Variants in GC observed in about 807,000 individuals in gnomAD.
The protein encoded by GC is vitamin D-binding protein.
A neutral mutation model predicts 56.7 loss-of-function variants in GC; 43 were observed. The ratio of observed to expected loss-of-function variants is 0.76; its 90% CI spans 0.59 to 0.98. The LOEUF (loss-of-function observed/expected upper bound fraction) is 0.98. Among genes scored for constraint, GC ranks in the 50% least tolerant of loss-of-function variants. The probability of loss-of-function intolerance (pLI) is 0.00; values close to 1 mark genes in which losing one functional copy is unlikely to be tolerated. For missense variants in GC, 529 were observed against 545.9 expected (o/e 0.97, Z 0.31); for synonymous variants, 216 against 202.7 (o/e 1.07, Z -0.56).
rs149604980 is a variant in GC, at chr4:71,752,962, C to T, written c.1263-312G>A. Among the ~76,000 whole-genome samples the T allele has an allele frequency of 3.1e-3, 475 of 152,254 alleles. 1 individual carries two copies. The highest frequency in any genetic ancestry group is 5.0e-3 in the Non-Finnish European group (343 of 68,012). ...ATTTTATCCTAACCTTTCACCTTCT[C>T]TTCAGTTTTAAATTTCAAATTCCTT... On this transcript the variant is annotated intron_variant, in intron 10 of 12. Coordinates refer to ENST00000273951, the MANE Select transcript of GC (RefSeq NM_000583.4).
intron 1 of GC, among the ~76,000 whole-genome samples, chr4:71,799,885 C>A (rs1743208068): frequency 6.6e-6 from 1 of 152,306 alleles, no homozygotes; most frequent in Non-Finnish European, 1.5e-5. Flanking sequence ...ATAGACACAG[C>A]TGTGAGGAGC....
intron 1 of GC, among the ~76,000 whole-genome samples, chr4:71,772,396 C>T (rs1208327762): frequency 6.6e-6 from 1 of 152,110 alleles, no homozygotes; most frequent in Non-Finnish European, 1.5e-5. Flanking sequence ...TGGGGTACCC[C>T]CGATGAACAT....
Position 71,754,995 on chromosome 4 carries a change from T to C in GC, c.1147A>G (p.Thr383Ala), listed in dbSNP as rs767280647. 6.3e-7 allele frequency: 1 copy of C among 1,592,328 alleles called. No individual in the cohort carries two copies. Among genetic ancestry groups the C allele is most frequent in the South Asian group, 1.1e-5 (1 of 87,832 alleles). ...AAATATACCTTAGCATTAAAACAGG[T>C]AGTTGAGTCTTCAACATCACAGCAT... The part of the protein sequence containing the change: ...GECCDVEDST[T>A]CFNAKGPLLK... The change falls in exon 9 of 13, where the codon ACC becomes GCC. Residue 383 changes from threonine (T) to alanine (A), a missense_variant. Thr to Ala is a moderately conservative substitution (Grantham distance 58). Coordinates refer to ENST00000273951, the MANE Select transcript of GC (RefSeq NM_000583.4).
chr4:71,788,477 A>G (rs376730757), upstream of GC, among the ~76,000 whole-genome samples: 3 of 151,980 alleles, frequency 2.0e-5, no homozygotes, highest in African/African-American at 7.2e-5. Flanking sequence ...GATGCTCTTT[A>G]CTAAGGCTGT....
chr4:71,750,327 T>C (rs1193237922), intron 11 of GC, among the ~76,000 whole-genome samples: 1 of 152,218 alleles, frequency 6.6e-6, no homozygotes, highest in Non-Finnish European at 1.5e-5. Context: ...CCATTTCCAT[T>C]TCTACTCTTA....
chr4:71,758,457 A>G (rs1741857885), intron 6 of GC, among the ~76,000 whole-genome samples: 1 of 152,216 alleles, frequency 6.6e-6, no homozygotes, highest in Non-Finnish European at 1.5e-5. Flanking sequence ...GATCTAAAGC[A>G]TCAATGAAGA....
rs770328076 is a variant in GC, at chr4:71,758,042, C to G, written c.831G>C (p.Glu277Asp). 6.2e-7 allele frequency: 1 copy of G among 1,612,464 alleles called. No homozygotes were observed. Among genetic ancestry groups the G allele is most frequent in the Admixed American group, 1.7e-5 (1 of 59,856 alleles). Reference protein sequence around the residue: ...ESASEDCMAKELPEHTVKLCD... With the variant: ...ESASEDCMAKDLPEHTVKLCD... ...ATAATGATAATAAAGCTTGTCTTAC[C>G]TCTTTGGCCATGCAATCTTCAGAGG... Residue 277 changes from glutamate to aspartate, a missense_variant and splice_region_variant, in exon 7 of 13, where the codon GAG becomes GAC. Physicochemically the swap from Glu to Asp is conservative, Grantham distance 45 (BLOSUM62 2). Transcript: ENST00000273951.
rs192091254 is a variant in GC at position 71,772,418 on chromosome 4, T to C, written c.59-3018A>G. On this transcript the variant is annotated intron_variant, in intron 1 of 12. Transcript: ENST00000273951. Reference sequence around the variant, plus strand: ...CCCCCGATGAACATTTTGAGAAATATTTTGTTTCTAACCTTCCAGATTCTG... The same window carrying C: ...CCCCCGATGAACATTTTGAGAAATACTTTGTTTCTAACCTTCCAGATTCTG... 7.2e-5 allele frequency among the ~76,000 whole-genome samples: 11 copies of C among 152,294 alleles called. No homozygotes were observed. In the East Asian group the frequency reaches 1.9e-3, roughly 27 times the overall value.
At chr4:71,752,061 T>C (rs1051344281) in intron 11 of GC, among the ~76,000 whole-genome samples, 2 of 152,096 alleles carry the variant, frequency 1.3e-5, no homozygotes, top group African/African-American at 2.4e-5. Flanking sequence ...TTTATCAATC[T>C]ACCTGCCTAT....
chr4:71,765,344 A>T (rs1478241103), intron 4 of GC, 88 bp downstream of exon 4: 3 of 998,528 alleles, frequency 3.0e-6, no homozygotes, highest in African/African-American at 3.2e-5. Flanking sequence ...TTGCTGTAGA[A>T]GAGGTGTTTC....
chr4:71,795,895 T>G (rs1347893591), intron 1 of GC, among the ~76,000 whole-genome samples: 2 of 152,216 alleles, frequency 1.3e-5, no homozygotes, highest in African/African-American at 4.8e-5. Context: ...GTAAAGGATT[T>G]TATTTCTCCT....
chr4:71,774,859 AC>A (rs141095459), intron 1 of GC, among the ~76,000 whole-genome samples: 3,095 of 152,018 alleles, frequency 0.02, 101 homozygotes, highest in African/African-American at 0.07. Flanking sequence ...ATAACATATA[AC>A]TTTTTGAGTA....
Position 71,779,537 on chromosome 4 carries a change from C to T in GC, c.58+4424G>A, listed in dbSNP as rs1278503873. ...GAGATAATGTGGAGGCCAGTGTGGTCAGATCAGAATGAATGAGAAAAATAG... is the reference window on the plus strand; with the variant it reads ...GAGATAATGTGGAGGCCAGTGTGGTTAGATCAGAATGAATGAGAAAAATAG... On this transcript the variant is annotated intron_variant, in intron 1 of 12. Coordinates refer to ENST00000273951, the MANE Select transcript of GC (RefSeq NM_000583.4). Among the ~76,000 whole-genome samples the T allele has an allele frequency of 2.6e-5, 4 of 151,700 alleles. No homozygotes were observed. The East Asian group carries it at 5.9e-4, about 22-fold the overall frequency.
Position 71,768,324 on chromosome 4 carries a change from C to G in GC, c.238G>C (p.Asp80His), listed in dbSNP as rs746394990. The G allele has an allele frequency of 3.7e-6, 6 of 1,612,156 alleles. No individual in the cohort carries two copies. In the African/African-American group the frequency reaches 8.0e-5, roughly 22 times the overall value. ...ACCCTGGTGTCATAGCAGTCAGGGT[C>G]AGCCCCTTCCGCACAGCAGGCTTCG... ...LTEACCAEGA[D>H]PDCYDTRTSA... is the part of the protein sequence containing the mutation. The change falls in exon 3 of 13, where the codon GAC becomes CAC. Residue 80 changes from aspartate to histidine, a missense_variant. Coordinates refer to ENST00000273951, the MANE Select transcript of GC (RefSeq NM_000583.4).
intron 1 of GC, among the ~76,000 whole-genome samples, chr4:71,802,414 T>C (rs916861001): frequency 6.6e-6 from 1 of 152,184 alleles, no homozygotes; most frequent in Non-Finnish European, 1.5e-5. Flanking sequence ...TACAATCTTT[T>C]AGAGAAAAAC....
chr4:71,745,875 T>G, intron 12 of GC, among the ~76,000 whole-genome samples: 1 of 152,134 alleles, frequency 6.6e-6, no homozygotes, highest in East Asian at 1.9e-4. Flanking sequence ...TAAATGTTCT[T>G]TACGGTATCA....
chr4:71,750,129 A>G (rs1741498331), intron 11 of GC, among the ~76,000 whole-genome samples: 1 of 152,242 alleles, frequency 6.6e-6, no homozygotes, highest in Non-Finnish European at 1.5e-5. Flanking sequence ...TTAAAAAAAT[A>G]CTTTACACAG....
chr4:71,757,052 A>G, intron 7 of GC, 138 bp from the exon 8 acceptor site: 1 of 619,482 alleles, frequency 1.6e-6, no homozygotes, highest in Non-Finnish European at 2.8e-6. Context: ...AAATTGGTAC[A>G]ATATTTGGAA....
chr4:71,772,731 G>A (rs1487968895), intron 1 of GC, among the ~76,000 whole-genome samples: 4 of 152,078 alleles, frequency 2.6e-5, no homozygotes, highest in African/African-American at 9.7e-5. Flanking sequence ...GGCATAACAG[G>A]AAGCAAGGGA....
Sources: gnomAD v4.1 joint callset for allele counts (sites outside exome capture counted in the v4.1 genomes callset) on GRCh38, gnomAD v4.1.1 for gene constraint, MANE v1.5 for transcripts, NCBI Gene and HGNC (gene_info 2026-07-23, HGNC 2026-07-21) for gene names.